CDH12: variants seen among roughly 807,000 people sequenced by gnomAD.
CDH12 encodes cadherin 12.
CDH12 carries 41 observed loss-of-function variants against 74.1 expected under a neutral mutation model. That is an observed-to-expected ratio of 0.55 (90% CI 0.43 to 0.72). The LOEUF is 0.72. Ranked by LOEUF, CDH12 falls within the 30% of genes least tolerant of loss-of-function variation. The probability of loss-of-function intolerance (pLI) is 0.00; values close to 1 mark genes in which losing one functional copy is unlikely to be tolerated. For synonymous variants in CDH12, 399 were observed against 355.0 expected (o/e 1.12, Z -1.39); for missense variants, 945 against 977.2 (o/e 0.97, Z 0.44).
Position 21,783,388 on chromosome 5 carries a change from A to T in CDH12, c.1363T>A (p.Tyr455Asn). The change falls in exon 11 of 15, where the codon TAT becomes AAT. Residue 455 changes from tyrosine to asparagine, a missense_variant. Transcript: ENST00000382254. ...ELLDRESTAQ[Y>N]NFSIIASKVS... ...TTACTCGCAATTATGGAGAAATTAT[A>T]CTGCGCAGTGCTTTCTCTGTCTAGT... The T allele has an allele frequency of 6.2e-7, 1 of 1,612,584 alleles. No homozygotes were observed. Among genetic ancestry groups the T allele is most frequent in the South Asian group, 1.1e-5 (1 of 91,036 alleles).
chr5:21,884,147 T>G, intron 6 of CDH12: 1 of 1,542,104 alleles, frequency 6.5e-7, no homozygotes, highest in Non-Finnish European at 9.0e-7. Flanking sequence ...AAGGAATTAT[T>G]GACCCAACAA....
At chr5:22,073,908 AC>A (rs1386010369) in intron 5 of CDH12, among the ~76,000 whole-genome samples, 3 of 152,142 alleles carry the variant, frequency 2.0e-5, no homozygotes, top group African/African-American at 7.2e-5. Context: ...TGGGAACTAT[AC>A]AAATTAATGA....
At chr5:22,845,063 G>A (rs938399385) in intron 1 of CDH12, among the ~76,000 whole-genome samples, 4 of 152,070 alleles carry the variant, frequency 2.6e-5, no homozygotes, top group East Asian at 3.9e-4. Context: ...TAGACAACAC[G>A]GGAAATTGAG....
intron 2 of CDH12, among the ~76,000 whole-genome samples, chr5:22,447,708 T>C (rs1267883602): frequency 1.3e-5 from 2 of 152,082 alleles, no homozygotes; most frequent in Non-Finnish European, 2.9e-5. Flanking sequence ...TGAAAACTAT[T>C]GCTAGCTTCT....
chr5:21,861,571 G>A (rs936897315), intron 6 of CDH12, among the ~76,000 whole-genome samples: 1 of 151,950 alleles, frequency 6.6e-6, no homozygotes, highest in African/African-American at 2.4e-5. Flanking sequence ...TATTGAACAG[G>A]CATTTTATAA....
At chr5:22,156,715 A>G (rs10941935) in intron 4 of CDH12, among the ~76,000 whole-genome samples, 150,196 of 152,206 alleles carry the variant, frequency 0.99, 74,146 homozygotes, top group East Asian at 1. Context: ...GAACTGAGAC[A>G]TTTTAAAATA....
At chr5:22,156,966 T>C (rs1473165710) in intron 4 of CDH12, among the ~76,000 whole-genome samples, 1 of 152,152 alleles carries the variant, frequency 6.6e-6, no homozygotes, top group Non-Finnish European at 1.5e-5. Context: ...AAGAAAAGCA[T>C]GTATTTTCCA....
chr5:22,293,011 T>C (rs149339920), intron 3 of CDH12, among the ~76,000 whole-genome samples: 1 of 51,514 alleles, frequency 1.9e-5, no homozygotes, highest in Non-Finnish European at 5.7e-5. Flanking sequence ...CCATTCCCAA[T>C]CTGTAACCCA....
chr5:22,799,598 A>T (rs1033535765), intron 1 of CDH12, among the ~76,000 whole-genome samples: 7 of 152,268 alleles, frequency 4.6e-5, no homozygotes, highest in African/African-American at 1.4e-4. Context: ...ACACTTTTTA[A>T]AAATACGTGT....
At chr5:22,103,669 G>A (rs1276031324) in intron 4 of CDH12, among the ~76,000 whole-genome samples, 1 of 152,198 alleles carries the variant, frequency 6.6e-6, no homozygotes, top group Non-Finnish European at 1.5e-5. Flanking sequence ...GAAGAAATGT[G>A]TGTAATTCTA....
chr5:22,685,409 T>C (rs1442145965), intron 1 of CDH12, among the ~76,000 whole-genome samples: 1 of 152,124 alleles, frequency 6.6e-6, no homozygotes, highest in Non-Finnish European at 1.5e-5. Flanking sequence ...GGCTAATTTT[T>C]GTATTTTTAG....
chr5:22,388,955 T>C (rs558868657), intron 3 of CDH12, among the ~76,000 whole-genome samples: 2 of 152,282 alleles, frequency 1.3e-5, no homozygotes, highest in African/African-American at 2.4e-5. Flanking sequence ...TTTAAACAAA[T>C]GTCCATCCTT....
chr5:22,362,062 A>G (rs1308069597), intron 3 of CDH12, among the ~76,000 whole-genome samples: 2 of 152,318 alleles, frequency 1.3e-5, no homozygotes, highest in East Asian at 3.9e-4. Context: ...AAGGCAACAA[A>G]AGCCAAAAGT....
At chr5:21,769,466 G>C (rs529578248) in intron 11 of CDH12, among the ~76,000 whole-genome samples, 1 of 152,070 alleles carries the variant, frequency 6.6e-6, no homozygotes, top group Non-Finnish European at 1.5e-5. Flanking sequence ...TACTAGCAAC[G>C]TCTAAATTTG....
intron 2 of CDH12, among the ~76,000 whole-genome samples, chr5:22,407,601 C>T (rs1048789821): frequency 6.6e-6 from 1 of 152,024 alleles, no homozygotes. Flanking sequence ...CCATGGCTCT[C>T]TGCATGAGCC....
chr5:21,960,440 G>T (rs1756304529), intron 6 of CDH12, among the ~76,000 whole-genome samples: 1 of 152,062 alleles, frequency 6.6e-6, no homozygotes, highest in Non-Finnish European at 1.5e-5. Context: ...AAGCTAAACT[G>T]GGGGCTTTCT....
intron 1 of CDH12, among the ~76,000 whole-genome samples, chr5:22,799,642 CTA>C (rs1748408864): frequency 6.6e-6 from 1 of 152,098 alleles, no homozygotes; most frequent in African/African-American, 2.4e-5. Context: ...TTTGAAGTAA[CTA>C]TTTTATTGAA....
In CDH12 at chr5:21,802,460, A is replaced by G. The variant is rs766782524; in HGVS notation, c.1003-40T>C. On this transcript the variant is annotated intron_variant, in intron 9 of 14. Transcript: ENST00000382254. ...AATTAAGAATAAGGAGTAAATTTAT[A>G]TAGAATGTGGCAGAAATGGTGAACA... is the stretch of plus-strand genomic sequence containing the variant. 30 of 1,540,942 alleles carry G rather than the reference A, an allele frequency of 1.9e-5. No homozygotes were observed. The African/African-American group carries it at 2.0e-4, about 11-fold the overall frequency.
intron 3 of CDH12, among the ~76,000 whole-genome samples, chr5:22,245,011 T>A (rs2150383533): frequency 6.6e-6 from 1 of 151,986 alleles, no homozygotes; most frequent in Admixed American, 6.6e-5. Flanking sequence ...GGCCCGCTGA[T>A]ATGGTGGAGG....
Sources: allele counts gnomAD v4.1 joint callset (sites outside exome capture counted in the v4.1 genomes callset), GRCh38; gene constraint gnomAD v4.1.1; transcripts MANE v1.5; gene names NCBI Gene and HGNC (gene_info 2026-07-23, HGNC 2026-07-21).